Variants in SEMA3E observed in about 807,000 individuals in gnomAD.
SEMA3E encodes semaphorin-3E.
Under a neutral mutation model 93.6 loss-of-function variants are expected in SEMA3E, and 49 were observed. The observed-to-expected ratio is 0.52, with a 90% CI of 0.42 to 0.66. The LOEUF is 0.66. Among genes scored for constraint, SEMA3E ranks in the 30% least tolerant of loss-of-function variants. The pLI is 0.00. For synonymous variants in SEMA3E, 363 were observed against 330.7 expected (o/e 1.10, Z -1.06); for missense variants, 906 against 964.8 (o/e 0.94, Z 0.81).
intron 4 of SEMA3E, among the ~76,000 whole-genome samples, chr7:83,428,400 G>A (rs750781907): frequency 1.8e-4 from 28 of 152,158 alleles, no homozygotes; most frequent in Non-Finnish European, 3.8e-4. Flanking sequence ...AGGAAAAATA[G>A]TAAAATACAC....
intron 4 of SEMA3E, among the ~76,000 whole-genome samples, chr7:83,423,956 A>C (rs1386415517): frequency 6.6e-6 from 1 of 152,222 alleles, no homozygotes; most frequent in Admixed American, 6.5e-5. Context: ...AAATACAAAA[A>C]ATAAAATGTA....
intron 1 of SEMA3E, among the ~76,000 whole-genome samples, chr7:83,642,398 G>A (rs1393060738): frequency 6.6e-6 from 1 of 152,096 alleles, no homozygotes; most frequent in Non-Finnish European, 1.5e-5. Flanking sequence ...CAATTCTGCA[G>A]AGATGTCTTT....
At chr7:83,571,073 A>G (rs996772884) in intron 1 of SEMA3E, among the ~76,000 whole-genome samples, 1 of 144,062 alleles carries the variant, frequency 6.9e-6, no homozygotes, top group African/African-American at 2.6e-5. Context: ...ATAAAATCCC[A>G]CCAAAAAAAA....
At chr7:83,386,940 T>G (rs1475896935) in intron 15 of SEMA3E, 43 bp downstream of exon 15, 1 of 1,550,268 alleles carries the variant, frequency 6.5e-7, no homozygotes, top group Admixed American at 1.7e-5. Context: ...ATGTTCAATG[T>G]ATTCTCTGAG....
chr7:83,405,466 G>T lies in SEMA3E; in HGVS notation c.982C>A (p.Leu328Ile), dbSNP rs2115640586. ...ATTTCTCACCTGGTAGTGTTAAAGAGTCCAAATATCACTGGATTCTTATGA... is the reference window on the plus strand; with the variant it reads ...ATTTCTCACCTGGTAGTGTTAAAGATTCCAAATATCACTGGATTCTTATGA... ...RDHKNPVIFG[L>I]FNTTSNIFRG... Residue 328 changes from leucine (L) to isoleucine (I), a missense_variant, in exon 9 of 17, where the codon CTC (leucine) becomes ATC (isoleucine). Transcript: ENST00000643230. 1 of 1,612,520 alleles carries T rather than the reference G, an allele frequency of 6.2e-7. No homozygotes were observed. Among genetic ancestry groups the T allele is most frequent in the South Asian group, 1.1e-5 (1 of 91,052 alleles).
At chr7:83,643,265 A>G (rs536461306) in intron 1 of SEMA3E, among the ~76,000 whole-genome samples, 1 of 152,158 alleles carries the variant, frequency 6.6e-6, no homozygotes, top group East Asian at 1.9e-4. Flanking sequence ...ATATGACAAC[A>G]TAATTTTTAA....
At chr7:83,638,111 A>C (rs1423905405) in intron 1 of SEMA3E, among the ~76,000 whole-genome samples, 4 of 152,236 alleles carry the variant, frequency 2.6e-5, no homozygotes, top group African/African-American at 4.8e-5. Context: ...AAAACTTTAG[A>C]AAGCCTTTCT....
At chr7:83,541,153 G>A (rs929152316) in intron 1 of SEMA3E, among the ~76,000 whole-genome samples, 17 of 152,118 alleles carry the variant, frequency 1.1e-4, no homozygotes, top group African/African-American at 4.1e-4. Context: ...ATCAGTTTTA[G>A]GAGAAAAAGT....
At chr7:83,381,890 A>T (rs1200787429) in intron 16 of SEMA3E, among the ~76,000 whole-genome samples, 1 of 151,972 alleles carries the variant, frequency 6.6e-6, no homozygotes, top group Admixed American at 6.6e-5. Flanking sequence ...TTGTGTAACA[A>T]TGGTTCCTGG....
intron 4 of SEMA3E, among the ~76,000 whole-genome samples, chr7:83,420,047 G>A (rs942577257): frequency 1.3e-5 from 2 of 152,094 alleles, no homozygotes; most frequent in Non-Finnish European, 2.9e-5. Flanking sequence ...AAATTCTAAA[G>A]ACTGCTGAAA....
At chr7:83,417,339 T>C (rs2723032) in intron 5 of SEMA3E, among the ~76,000 whole-genome samples, 81,101 of 151,840 alleles carry the variant, frequency 0.53, 23,452 homozygotes, top group East Asian at 0.84. Context: ...TGAATATGTT[T>C]AGGGAACACA....
At chr7:83,371,186 T>G (rs2116896798) in intron 16 of SEMA3E, among the ~76,000 whole-genome samples, 1 of 152,356 alleles carries the variant, frequency 6.6e-6, no homozygotes, top group Admixed American at 6.5e-5. Flanking sequence ...ATGTTTATCA[T>G]AGATTCTGAA....
rs543092408 is a variant in SEMA3E, at chr7:83,496,908, A to G, written c.116-6634T>C. Among the ~76,000 whole-genome samples, 4 of 152,268 alleles carry G rather than the reference A, an allele frequency of 2.6e-5. No individual in the cohort carries two copies. In the East Asian group the frequency reaches 7.7e-4, roughly 29 times the overall value. ...AATCTCAAGAAAACACAGTGAAATA[A>G]TGGACAGTGCTGACTCCGTTAAATG... On this transcript the variant is annotated intron_variant, in intron 1 of 16. Coordinates refer to ENST00000643230, the MANE Select transcript of SEMA3E (RefSeq NM_012431.3).
intron 4 of SEMA3E, among the ~76,000 whole-genome samples, chr7:83,439,855 CAGAAT>C (rs1380646616): frequency 1.4e-4 from 22 of 152,252 alleles, no homozygotes; most frequent in Admixed American, 2.6e-4. Context: ...CTATCAATAA[CAGAAT>C]AGAATAGAAA....
At chr7:83,632,412 C>A (rs986902668) in intron 1 of SEMA3E, among the ~76,000 whole-genome samples, 1 of 152,040 alleles carries the variant, frequency 6.6e-6, no homozygotes, top group Non-Finnish European at 1.5e-5. Flanking sequence ...GTGGGAGGGA[C>A]CCAGTGGGAG....
chr7:83,440,451 C>T (rs1186235400), intron 4 of SEMA3E, among the ~76,000 whole-genome samples: 1 of 152,142 alleles, frequency 6.6e-6, no homozygotes, highest in Non-Finnish European at 1.5e-5. Flanking sequence ...ATATTTCTTA[C>T]TTGTTTATTG....
chr7:83,379,039 A>G (rs901273362), intron 16 of SEMA3E, among the ~76,000 whole-genome samples: 31 of 151,894 alleles, frequency 2.0e-4, no homozygotes, highest in African/African-American at 7.2e-4. Context: ...AACGTGGCAT[A>G]TATGTGCTAT....
intron 2 of SEMA3E, among the ~76,000 whole-genome samples, chr7:83,488,751 G>A (rs115042244): frequency 2.8e-3 from 427 of 152,216 alleles, no homozygotes; most frequent in African/African-American, 9.8e-3. Flanking sequence ...AGGTGATGGT[G>A]AAGCTAAGCT....
intron 1 of SEMA3E, among the ~76,000 whole-genome samples, chr7:83,574,357 GA>G (rs1792355738): frequency 6.6e-6 from 1 of 151,798 alleles, no homozygotes; most frequent in Admixed American, 6.6e-5. Flanking sequence ...ATAGAGCCAG[GA>G]GAGAGAAATC....
Sources: allele counts gnomAD v4.1 joint callset (sites outside exome capture counted in the v4.1 genomes callset), GRCh38; gene constraint gnomAD v4.1.1; transcripts MANE v1.5; gene names NCBI Gene and HGNC (gene_info 2026-07-23, HGNC 2026-07-21).